The following SVIL variants were observed in gnomAD, a reference collection of about 807,000 sequenced individuals.
SVIL encodes archvillin.
In SVIL, 101 loss-of-function variants were observed where a neutral mutation model predicts 240.4. The ratio of observed to expected loss-of-function variants is 0.42; its 90% CI spans 0.36 to 0.50. The LOEUF is 0.50. Among genes scored for constraint, SVIL ranks in the 20% least tolerant of loss-of-function variants. The pLI, the probability that SVIL is intolerant of heterozygous loss-of-function variation, is 0.01. For missense variants in SVIL, 2,512 were observed against 2,818.7 expected, an observed-to-expected ratio of 0.89 and a Z score of 2.46; for synonymous variants, 999 against 1,100.0, an observed-to-expected ratio of 0.91 and a Z score of 1.82.
intron 1 of SVIL, among the ~76,000 whole-genome samples, chr10:29,628,110 AAAC>A (rs1957945607): frequency 6.6e-6 from 1 of 152,228 alleles, no homozygotes; most frequent in African/African-American, 2.4e-5. Flanking sequence ...AGCACACAGT[AAAC>A]TAAACTATCA....
chr10:29,708,708 A>G (rs1045125155), intron 1 of SVIL, among the ~76,000 whole-genome samples: 2 of 152,226 alleles, frequency 1.3e-5, no homozygotes, highest in Non-Finnish European at 2.9e-5. Context: ...AAAACAATGC[A>G]GAATGCTATA....
chr10:29,692,570 C>T (rs1427877703), intron 1 of SVIL, among the ~76,000 whole-genome samples: 1 of 151,748 alleles, frequency 6.6e-6, no homozygotes, highest in Non-Finnish European at 1.5e-5. Flanking sequence ...ACACGGAATA[C>T]AATAACATTC....
intron 36 of SVIL, among the ~76,000 whole-genome samples, chr10:29,461,237 A>C (rs1351236735): frequency 6.6e-6 from 1 of 152,180 alleles, no homozygotes; most frequent in Non-Finnish European, 1.5e-5. Context: ...CTGAACTTAG[A>C]CTGCATGCAG....
At chr10:29,650,895 C>G (rs1002557341) in intron 3 of SVIL, among the ~76,000 whole-genome samples, 1 of 152,220 alleles carries the variant, frequency 6.6e-6, no homozygotes, top group Admixed American at 6.5e-5. Context: ...CTACTTCACT[C>G]TAGTCTGGGC....
rs879408444 is a variant in SVIL at position 29,735,735 on chromosome 10, G to C, written c.-400+16C>G. ...CCGCGCGCCCCTCGGCCACCGCGCG[G>C]AGGGACTTTGCTCACCTACCCGGCT... On this transcript the variant is annotated intron_variant, in intron 1 of 35. Coordinates refer to the SVIL transcript ENST00000375400. This position sits in a 1 kb window ranked among gnomAD's most constrained non-coding sequence, Gnocchi z 4.1. 4 of 151,970 alleles carry C rather than the reference G, an allele frequency of 2.6e-5. No individual in the cohort carries two copies. The highest frequency in any genetic ancestry group is 2.6e-4 in the Admixed American group (4 of 15,270). 9.4% of individuals were successfully genotyped at this position (151,970 alleles called of 1,614,324 possible). A position where few individuals can be genotyped will look rare whatever the true frequency, so the allele number is the denominator to read the frequency against.
intron 1 of SVIL, among the ~76,000 whole-genome samples, chr10:29,582,875 G>A (rs1956010702): frequency 6.6e-6 from 1 of 152,160 alleles, no homozygotes; most frequent in South Asian, 2.1e-4. Context: ...CTCCTCTCGT[G>A]AGAAGAAGAC....
rs1243593238 is a variant in SVIL at position 29,533,318 on chromosome 10, T to A, written c.1049A>T (p.Asp350Val). 3.1e-6 allele frequency: 5 copies of A among 1,613,890 alleles called. No homozygotes were observed. Among genetic ancestry groups the A allele is most frequent in the East Asian group, 4.5e-5 (2 of 44,862 alleles). ...VSFQSEHSAFDRVPSKAAGST... is the reference protein window; with the variant it reads ...VSFQSEHSAFVRVPSKAAGST... ...GCCTGCTGCCTTGCTGGGGACCCTA[T>A]CAAAGGCTGAGTGCTCAGACTGAAA... Residue 350 changes from aspartate to valine, a missense_variant, in exon 8 of 38, where the codon GAT becomes GTT. By Grantham distance (152) the Asp-to-Val change is radical. Around this residue, in one of 3 missense-constraint regions of SVIL, gnomAD observed 1,443 missense variants for 1,486.6 expected, o/e 0.97. Transcript: ENST00000355867.
chr10:29,653,028 G>A (rs191489291), intron 3 of SVIL, among the ~76,000 whole-genome samples: 15 of 142,042 alleles, frequency 1.1e-4, no homozygotes, highest in African/African-American at 2.6e-4. Flanking sequence ...AGTCGTTCTC[G>A]CTATGTTGAC....
chr10:29,527,894 A>G (rs1258190033), intron 12 of SVIL, among the ~76,000 whole-genome samples: 1 of 150,426 alleles, frequency 6.6e-6, no homozygotes, highest in Non-Finnish European at 1.5e-5. Flanking sequence ...CCTGGCCAAT[A>G]TTTTTGTATT....
At chr10:29,480,413 G>T in intron 29 of SVIL, 124 bp downstream of exon 29, 1 of 1,231,872 alleles carries the variant, frequency 8.1e-7, no homozygotes, top group Non-Finnish European at 1.1e-6. Context: ...AAAGGCGCAT[G>T]ACTGCAGTGC....
At chr10:29,687,400 T>C (rs576797640) in intron 1 of SVIL, among the ~76,000 whole-genome samples, 10 of 152,194 alleles carry the variant, frequency 6.6e-5, no homozygotes, top group Non-Finnish European at 1.2e-4. Context: ...CTCCCAAAAA[T>C]GTCAAGTTTG....
intron 26 of SVIL, among the ~76,000 whole-genome samples, chr10:29,485,819 A>G (rs1318182299): frequency 6.6e-6 from 1 of 152,240 alleles, no homozygotes; most frequent in East Asian, 1.9e-4. Flanking sequence ...AGATAGGGCT[A>G]AGTAATATTT....
intron 6 of SVIL, among the ~76,000 whole-genome samples, chr10:29,541,070 G>T (rs541390546): frequency 6.6e-6 from 1 of 152,178 alleles, no homozygotes; most frequent in African/African-American, 2.4e-5. Flanking sequence ...TAAAAAACAT[G>T]AACAAAAAGA....
In SVIL at chr10:29,458,095, C is replaced by T. The variant is rs1004112947; in HGVS notation, c.*152G>A. The T allele has an allele frequency of 1.0e-4, 76 of 736,764 alleles. No homozygotes were observed. The highest frequency in any genetic ancestry group is 9.6e-4 in the Admixed American group (31 of 32,452). 45.6% of individuals were successfully genotyped at this position (736,764 alleles called of 1,614,324 possible). A position where few individuals can be genotyped will look rare whatever the true frequency, so the allele number is the denominator to read the frequency against. On this transcript the variant is annotated 3_prime_UTR_variant, in exon 38 of 38. Coordinates refer to ENST00000355867, the MANE Select transcript of SVIL (RefSeq NM_021738.3). ...TGAACATTTACAAAATACACAACTCCGGGACAAGCAGTATCTTTAACAATG... is the reference window on the plus strand; with the variant it reads ...TGAACATTTACAAAATACACAACTCTGGGACAAGCAGTATCTTTAACAATG...
rs760265289 is a variant in SVIL at position 29,550,693 on chromosome 10, C to T, written c.731G>A (p.Arg244Gln). ...GGAGCTGTGGGCGTGCTTGGGGGAC[C>T]GTGGCACTTCAGTGAAGGAGGAGTC... Reference protein sequence around the residue: ...GRDSSFTEVPRSPKHAHSSSL... With the variant: ...GRDSSFTEVPQSPKHAHSSSL... Residue 244 changes from arginine to glutamine, a missense_variant, in exon 6 of 38, where the codon CGG becomes CAG. Arg to Gln is a conservative substitution (Grantham distance 43, BLOSUM62 1). Coordinates refer to ENST00000355867, the MANE Select transcript of SVIL (RefSeq NM_021738.3). 18 of 1,613,912 alleles carry T rather than the reference C, an allele frequency of 1.1e-5. No individual in the cohort carries two copies. The East Asian group carries it at 2.2e-4, about 20-fold the overall frequency.
intron 3 of SVIL, among the ~76,000 whole-genome samples, chr10:29,560,786 T>C (rs1171086729): frequency 4.6e-5 from 7 of 151,728 alleles, no homozygotes; most frequent in African/African-American, 1.7e-4. Context: ...AGCAAAGATA[T>C]GTGAAATAAG....
intron 1 of SVIL, among the ~76,000 whole-genome samples, chr10:29,699,075 A>C (rs1164962020): frequency 2.0e-5 from 3 of 152,214 alleles, no homozygotes; most frequent in African/African-American, 7.2e-5. Context: ...TTTGTCTAAT[A>C]GCTGAATACA....
intron 20 of SVIL, among the ~76,000 whole-genome samples, chr10:29,494,055 C>T (rs943084094): frequency 1.4e-4 from 21 of 152,256 alleles, no homozygotes; most frequent in African/African-American, 4.8e-4. Flanking sequence ...CCCATAGTCC[C>T]GCCTACTTGG....
At position 29,634,789 on chromosome 10, in the gene SVIL, G is replaced by A. The variant is rs1958245971; in HGVS notation, c.-570C>T. On this transcript the variant is annotated 5_prime_UTR_variant, in exon 1 of 38. Transcript: ENST00000355867. Reference sequence around the variant, plus strand: ...AACAGGTAAAGGCTACATCCCAAAAGTTCCTCTCCAAAAAGAACGCCAAAA... The same window carrying A: ...AACAGGTAAAGGCTACATCCCAAAAATTCCTCTCCAAAAAGAACGCCAAAA... The A allele has an allele frequency of 6.6e-6, 1 of 152,118 alleles. No homozygotes were observed. The highest frequency in any genetic ancestry group is 2.4e-5 in the African/African-American group (1 of 41,410). 9.4% of individuals were successfully genotyped at this position (152,118 alleles called of 1,614,324 possible).
Sources: allele counts gnomAD v4.1 joint callset (sites outside exome capture counted in the v4.1 genomes callset), GRCh38; gene constraint gnomAD v4.1.1; regional missense constraint gnomAD v4.1.1; non-coding constraint Gnocchi (gnomAD v3.1); transcripts MANE v1.5; gene names NCBI Gene and HGNC (gene_info 2026-07-23, HGNC 2026-07-21).